Variants in PRKG1 observed in about 807,000 individuals in gnomAD.
The protein encoded by PRKG1 is cGMP-dependent protein kinase 1.
A neutral mutation model predicts 88.1 loss-of-function variants in PRKG1; 35 were observed. The observed-to-expected ratio is 0.40, with a 90% confidence interval of 0.30 to 0.53. PRKG1 has a LOEUF of 0.53. Among genes scored for constraint, PRKG1 ranks in the 20% least tolerant of loss-of-function variants. PRKG1 has a pLI of 0.59. For missense variants in PRKG1, 540 were observed against 839.8 expected (o/e 0.64, Z 4.41); for synonymous variants, 303 against 292.5 (o/e 1.04, Z -0.37).
intron 1 of PRKG1, among the ~76,000 whole-genome samples, chr10:51,030,301 G>T (rs1843266885): frequency 6.6e-6 from 1 of 151,758 alleles, no homozygotes; most frequent in African/African-American, 2.4e-5. Flanking sequence ...TTATTTAAAA[G>T]AATTATAAAT....
At chr10:52,293,382 G>A (rs894716926) in intron 17 of PRKG1, among the ~76,000 whole-genome samples, 14 of 151,422 alleles carry the variant, frequency 9.2e-5, no homozygotes, top group African/African-American at 2.9e-4. Flanking sequence ...AGCTACCAAT[G>A]ACTTTCTTCA....
At position 51,528,397 on chromosome 10, in the gene PRKG1, G is replaced by GA. The variant is rs1841934328; in HGVS notation, c.592+60566dup. ...GTGAAGACAGCATGCTGATGACTGGGAAAAATCTGTCTAAATACACTTTTT... is the reference window on the plus strand; with the variant it reads ...GTGAAGACAGCATGCTGATGACTGGGAAAAAATCTGTCTAAATACACTTTTT... On this transcript the variant is annotated intron_variant, in intron 3 of 17. Transcript: ENST00000373980. 4.0e-5 allele frequency among the ~76,000 whole-genome samples: 6 copies of GA among 151,532 alleles called. 1 individual carries two copies. The South Asian group carries it at 1.3e-3, about 32-fold the overall frequency.
intron 2 of PRKG1, among the ~76,000 whole-genome samples, chr10:51,329,191 GT>G (rs532439345): frequency 9.6e-4 from 146 of 152,158 alleles, no homozygotes; most frequent in African/African-American, 3.1e-3. Context: ...TAGTTTTATA[GT>G]TTTTGGCTTT....
intron 2 of PRKG1, among the ~76,000 whole-genome samples, chr10:51,443,525 C>G (rs901580606): frequency 6.6e-6 from 1 of 151,962 alleles, no homozygotes; most frequent in Admixed American, 6.6e-5. Flanking sequence ...TGTATCAACT[C>G]TAATAGCTTC....
chr10:51,058,443 A>G (rs1843657012), intron 1 of PRKG1, among the ~76,000 whole-genome samples: 2 of 152,106 alleles, frequency 1.3e-5, no homozygotes, highest in South Asian at 2.1e-4. Flanking sequence ...GATTTCCCAT[A>G]TATCTCCTAC....
chr10:50,992,528 G>T (rs1842793424), intron 1 of PRKG1, among the ~76,000 whole-genome samples: 1 of 152,126 alleles, frequency 6.6e-6, no homozygotes, highest in African/African-American at 2.4e-5. Flanking sequence ...GAAAAGTTGG[G>T]ATGAAGAAGG....
intron 5 of PRKG1, among the ~76,000 whole-genome samples, chr10:51,965,456 T>C (rs1843545556): frequency 6.6e-6 from 1 of 152,212 alleles, no homozygotes; most frequent in African/African-American, 2.4e-5. Flanking sequence ...TAAGATTTAA[T>C]TTTGAAAACC....
intron 4 of PRKG1, among the ~76,000 whole-genome samples, chr10:51,829,230 A>C (rs10823673): frequency 0.21 from 31,896 of 152,156 alleles, 5,370 homozygotes; most frequent in African/African-American, 0.47. Context: ...TCTGAGAATG[A>C]CCAAGATGGA....
chr10:51,308,434 T>C lies in PRKG1; in HGVS notation c.478+155104T>C, dbSNP rs368381060. Among the ~76,000 whole-genome samples the C allele has an allele frequency of 2.4e-4, 36 of 152,304 alleles. No homozygotes were observed. The South Asian group carries it at 6.4e-3, about 27-fold the overall frequency. Reference sequence around the variant, plus strand: ...TGCAGGGATTTTGCAATGATTAAATTACATATTTCATAAAAAGCACATGGG... The same window carrying C: ...TGCAGGGATTTTGCAATGATTAAATCACATATTTCATAAAAAGCACATGGG... On this transcript the variant is annotated intron_variant, in intron 2 of 17. Coordinates refer to ENST00000373980, the MANE Select transcript of PRKG1 (RefSeq NM_006258.4).
chr10:51,163,673 A>T (rs1846432830), intron 2 of PRKG1, among the ~76,000 whole-genome samples: 1 of 152,208 alleles, frequency 6.6e-6, no homozygotes, highest in South Asian at 2.1e-4. Context: ...GCACCTGGAA[A>T]ATCGGGTCAC....
chr10:51,744,480 G>A (rs1165598103), intron 3 of PRKG1, among the ~76,000 whole-genome samples: 1 of 152,118 alleles, frequency 6.6e-6, no homozygotes, highest in Non-Finnish European at 1.5e-5. Context: ...CTAGGGCCCA[G>A]GACCACTTTC....
chr10:51,502,985 T>G (rs1841075742), intron 3 of PRKG1, among the ~76,000 whole-genome samples: 1 of 152,166 alleles, frequency 6.6e-6, no homozygotes, highest in African/African-American at 2.4e-5. Flanking sequence ...CAGAAATGGA[T>G]TTTTAGGGTA....
intron 14 of PRKG1, among the ~76,000 whole-genome samples, chr10:52,284,324 C>T (rs1245258807): frequency 2.0e-5 from 3 of 151,778 alleles, no homozygotes; most frequent in Admixed American, 1.3e-4. Flanking sequence ...AATTTTTTTA[C>T]CATAAATATA....
intron 2 of PRKG1, among the ~76,000 whole-genome samples, chr10:51,278,865 T>C (rs1840209279): frequency 6.6e-6 from 1 of 152,192 alleles, no homozygotes; most frequent in Non-Finnish European, 1.5e-5. Flanking sequence ...TTAGTATTGC[T>C]AGCGGTCAAT....
At chr10:51,198,474 A>G (rs1332177434) in intron 2 of PRKG1, among the ~76,000 whole-genome samples, 2 of 152,214 alleles carry the variant, frequency 1.3e-5, no homozygotes, top group African/African-American at 4.8e-5. Context: ...ATTTCCCCAT[A>G]AATTAGTGTA....
intron 7 of PRKG1, among the ~76,000 whole-genome samples, chr10:52,114,059 T>C (rs1037081673): frequency 1.3e-5 from 2 of 152,028 alleles, no homozygotes; most frequent in African/African-American, 4.8e-5. Flanking sequence ...AAGGGAGTGG[T>C]AGAGGAGTGT....
At chr10:51,979,420 T>TTTTTG (rs1843941992) in intron 5 of PRKG1, among the ~76,000 whole-genome samples, 1 of 136,952 alleles carries the variant, frequency 7.3e-6, no homozygotes, top group Admixed American at 7.5e-5. Context: ...GTTTTTTTTT[T>TTTTTG]TTTTTTTTTT....
At chr10:52,014,927 C>T (rs1291028701) in intron 5 of PRKG1, among the ~76,000 whole-genome samples, 1 of 152,246 alleles carries the variant, frequency 6.6e-6, no homozygotes, top group Non-Finnish European at 1.5e-5. Context: ...AGGCCTGAGG[C>T]AGCTCTGCCT....
chr10:52,276,163 G>A (rs886409980), intron 12 of PRKG1, among the ~76,000 whole-genome samples: 1 of 152,052 alleles, frequency 6.6e-6, no homozygotes, highest in Non-Finnish European at 1.5e-5. Flanking sequence ...TTACCGATTT[G>A]GATGCCCTTT....
Sources: gnomAD v4.1 joint callset for allele counts (sites outside exome capture counted in the v4.1 genomes callset) on GRCh38, gnomAD v4.1.1 for gene constraint, MANE v1.5 for transcripts, NCBI Gene and HGNC (gene_info 2026-07-23, HGNC 2026-07-21) for gene names.